Variants in KCNH1 observed in about 807,000 individuals in gnomAD.
KCNH1 encodes voltage-gated delayed rectifier potassium channel KCNH1.
KCNH1 carries 27 observed loss-of-function variants against 69.2 expected under a neutral mutation model. That is an observed-to-expected ratio of 0.39 (90% CI 0.29 to 0.54). The LOEUF (loss-of-function observed/expected upper bound fraction) is 0.54. KCNH1 is among the 20% of genes least tolerant of loss of function. The probability of loss-of-function intolerance (pLI) is 0.68; values close to 1 mark genes in which losing one functional copy is unlikely to be tolerated. For missense variants in KCNH1, 798 were observed against 1,261.6 expected (o/e 0.63, Z 5.57); for synonymous variants, 456 against 487.7 (o/e 0.93, Z 0.86).
At chr1:210,953,196 G>T (rs756453596) in intron 6 of KCNH1, among the ~76,000 whole-genome samples, 1 of 152,154 alleles carries the variant, frequency 6.6e-6, no homozygotes, top group Non-Finnish European at 1.5e-5. Flanking sequence ...CTCCAGCTCT[G>T]CTCTGGATTC....
At chr1:210,880,409 AG>A (rs1307553723) in intron 7 of KCNH1, among the ~76,000 whole-genome samples, 4 of 152,214 alleles carry the variant, frequency 2.6e-5, no homozygotes, top group Admixed American at 1.3e-4. Context: ...TCCATGCAAC[AG>A]AATAGAAAGC....
chr1:210,887,678 CAAAAT>C (rs1281738944), intron 7 of KCNH1, among the ~76,000 whole-genome samples: 2 of 94,550 alleles, frequency 2.1e-5, no homozygotes, highest in East Asian at 3.9e-4. Flanking sequence ...CACATAGGCT[CAAAAT>C]AAAGGGATGG....
intron 7 of KCNH1, among the ~76,000 whole-genome samples, chr1:210,853,953 A>AAAAAAAAAAAAAAAAAAAAAC (rs1558497924): frequency 7.1e-6 from 1 of 141,110 alleles, no homozygotes; most frequent in Non-Finnish European, 1.5e-5. Flanking sequence ...AGCCAAAAAA[A>AAAAAAAAAAAAAAAAAAAAAC]AAAAAAAAAA....
chr1:210,861,135 C>T, intron 7 of KCNH1: 1 of 895,288 alleles, frequency 1.1e-6, no homozygotes, highest in Non-Finnish European at 1.9e-6. Flanking sequence ...TCTTCAGACA[C>T]ATCAAACTTC....
At chr1:210,935,166 G>T in intron 6 of KCNH1, among the ~76,000 whole-genome samples, 1 of 105,624 alleles carries the variant, frequency 9.5e-6, no homozygotes, top group Non-Finnish European at 1.9e-5. Context: ...ACACACACAC[G>T]AATAGTATTC....
intron 8 of KCNH1, among the ~76,000 whole-genome samples, chr1:210,799,004 A>AATAAAT (rs1358696156): frequency 1.3e-5 from 2 of 152,176 alleles, no homozygotes; most frequent in African/African-American, 4.8e-5. Context: ...TAAAAATAAA[A>AATAAAT]AAAGACAAAA....
chr1:210,772,542 C>G (rs139898020), intron 10 of KCNH1, among the ~76,000 whole-genome samples: 9 of 151,420 alleles, frequency 5.9e-5, no homozygotes, highest in Middle Eastern at 3.4e-3. Context: ...GAATGGCTAC[C>G]TCTTTACACA....
intron 6 of KCNH1, among the ~76,000 whole-genome samples, chr1:211,000,624 G>A (rs1298954261): frequency 6.6e-6 from 1 of 152,096 alleles, no homozygotes; most frequent in African/African-American, 2.4e-5. Context: ...TCCCCATCAA[G>A]CTAACAATGA....
chr1:210,819,141 T>C (rs540410501), intron 7 of KCNH1, among the ~76,000 whole-genome samples: 2 of 152,116 alleles, frequency 1.3e-5, no homozygotes, highest in East Asian at 3.9e-4. Context: ...TGGGTACTAA[T>C]GATTTAAAAA....
intron 6 of KCNH1, among the ~76,000 whole-genome samples, chr1:210,986,954 C>T (rs1221578189): frequency 6.6e-6 from 1 of 152,186 alleles, no homozygotes; most frequent in East Asian, 1.9e-4. Context: ...TTCACATAGT[C>T]CCATGTTTCT....
At chr1:210,912,387 C>T (rs1396661148) in intron 7 of KCNH1, among the ~76,000 whole-genome samples, 1 of 151,264 alleles carries the variant, frequency 6.6e-6, no homozygotes, top group Non-Finnish European at 1.5e-5. Context: ...GCTCTGCAGT[C>T]AGGCCAACTT....
chr1:210,715,288 C>A (rs1217613521), intron 10 of KCNH1, among the ~76,000 whole-genome samples: 1 of 152,138 alleles, frequency 6.6e-6, no homozygotes, highest in Non-Finnish European at 1.5e-5. Context: ...TCACTCCCTG[C>A]AAGAGGGTAG....
chr1:210,755,984 C>T (rs762971452), intron 10 of KCNH1, among the ~76,000 whole-genome samples: 7 of 152,168 alleles, frequency 4.6e-5, no homozygotes, highest in Non-Finnish European at 8.8e-5. Context: ...TGCTTGAAAT[C>T]GTGACTTTAC....
chr1:210,690,199 C>G (rs984617959), intron 10 of KCNH1, among the ~76,000 whole-genome samples: 2 of 152,168 alleles, frequency 1.3e-5, no homozygotes, highest in African/African-American at 4.8e-5. Flanking sequence ...TTTCTTAGAT[C>G]TGACAAAAAG....
At chr1:210,784,365 T>A (rs1020753577) in intron 9 of KCNH1, among the ~76,000 whole-genome samples, 1 of 152,174 alleles carries the variant, frequency 6.6e-6, no homozygotes, top group Non-Finnish European at 1.5e-5. Flanking sequence ...TCTGCTACAG[T>A]TTACAGATGT....
chr1:210,823,426 T>C (rs144224316), intron 7 of KCNH1, among the ~76,000 whole-genome samples: 1 of 152,324 alleles, frequency 6.6e-6, no homozygotes, highest in East Asian at 1.9e-4. Context: ...TGTAACTGTC[T>C]TTCCCTGAGG....
At chr1:211,021,319 T>A (rs1297698825) in intron 5 of KCNH1, among the ~76,000 whole-genome samples, 4 of 151,584 alleles carry the variant, frequency 2.6e-5, no homozygotes, top group Non-Finnish European at 2.9e-5. Context: ...TAAAAAAAAA[T>A]TAAAAATAAA....
chr1:211,017,828 G>A (rs1020416880), intron 6 of KCNH1, among the ~76,000 whole-genome samples: 4 of 152,138 alleles, frequency 2.6e-5, no homozygotes, highest in Admixed American at 2.6e-4. Context: ...GAAAAGAGTT[G>A]CTATAGTTTG....
At chr1:210,935,120 T>TCA (rs10588037) in intron 6 of KCNH1, among the ~76,000 whole-genome samples, 3,332 of 129,068 alleles carry the variant, frequency 0.026, 61 homozygotes, top group Admixed American at 0.048. Context: ...AAAGAAAATG[T>TCA]CACACACACA....
Sources: gnomAD v4.1 joint callset for allele counts (sites outside exome capture counted in the v4.1 genomes callset) on GRCh38, gnomAD v4.1.1 for gene constraint, MANE v1.5 for transcripts, NCBI Gene and HGNC (gene_info 2026-07-23, HGNC 2026-07-21) for gene names.